The following BCKDHB variants were observed in gnomAD, a reference collection of about 807,000 sequenced individuals.
BCKDHB encodes the protein 2-oxoisovalerate dehydrogenase subunit beta, mitochondrial.
A neutral mutation model predicts 48.5 loss-of-function variants in BCKDHB; 41 were observed. The ratio of observed to expected loss-of-function variants is 0.85; its 90% CI spans 0.66 to 1.10. BCKDHB has a LOEUF of 1.10. BCKDHB is among the 50% of genes least tolerant of loss of function. BCKDHB has a pLI of 0.00. For missense variants in BCKDHB, 496 were observed against 494.2 expected, an observed-to-expected ratio of 1.00 and a Z score of -0.03; for synonymous variants, 201 against 174.8, an observed-to-expected ratio of 1.15 and a Z score of -1.18.
the BCKDHB span, among the ~76,000 whole-genome samples, chr6:80,428,650 T>A: frequency 6.6e-6 from 1 of 152,226 alleles, no homozygotes; most frequent in South Asian, 2.1e-4. Context: ...TCATGTTTGT[T>A]GGCTGCATAA....
intron 8 of BCKDHB, among the ~76,000 whole-genome samples, chr6:80,233,955 G>A (rs1336826124): frequency 6.6e-6 from 1 of 152,178 alleles, no homozygotes; most frequent in Non-Finnish European, 1.5e-5. Flanking sequence ...ACAGACTGGA[G>A]GGGTGGGAAA....
At chr6:80,272,771 A>G (rs1192281759) in intron 8 of BCKDHB, among the ~76,000 whole-genome samples, 4 of 152,194 alleles carry the variant, frequency 2.6e-5, no homozygotes. Context: ...AATAAAAAAA[A>G]CTTTCGCTCT....
At chr6:80,148,957 A>G (rs1771622754) in intron 3 of BCKDHB, among the ~76,000 whole-genome samples, 1 of 152,242 alleles carries the variant, frequency 6.6e-6, no homozygotes, top group Non-Finnish European at 1.5e-5. Context: ...ACAAAAAACC[A>G]AAATTGACAA....
At chr6:80,118,091 C>T (rs1201501457) in intron 1 of BCKDHB, among the ~76,000 whole-genome samples, 1 of 152,128 alleles carries the variant, frequency 6.6e-6, no homozygotes, top group African/African-American at 2.4e-5. Flanking sequence ...TTACCCAAGA[C>T]TATTATCTTC....
At chr6:80,450,519 GT>G in the BCKDHB span, among the ~76,000 whole-genome samples, 1 of 152,152 alleles carries the variant, frequency 6.6e-6, no homozygotes, top group Non-Finnish European at 1.5e-5. Context: ...AAGGGCAAGA[GT>G]TTTGGTATAT....
intron 8 of BCKDHB, among the ~76,000 whole-genome samples, chr6:80,233,514 A>G (rs1006563309): frequency 6.6e-6 from 1 of 152,108 alleles, no homozygotes; most frequent in Non-Finnish European, 1.5e-5. Context: ...TTCTCTCTGG[A>G]TCGATAGTTT....
At chr6:80,363,395 G>GT in the BCKDHB span, among the ~76,000 whole-genome samples, 2 of 152,102 alleles carry the variant, frequency 1.3e-5, no homozygotes, top group African/African-American at 4.8e-5. Flanking sequence ...ACAAGAAACT[G>GT]TTTTTTCAAG....
At chr6:80,407,288 A>G in the BCKDHB span, among the ~76,000 whole-genome samples, 1 of 152,104 alleles carries the variant, frequency 6.6e-6, no homozygotes, top group Admixed American at 6.6e-5. Flanking sequence ...GTCAGGTAGC[A>G]TGATACCTCC....
rs141306700 is a variant in BCKDHB, at chr6:80,182,116, C to T, written c.742+10726C>T. Among the ~76,000 whole-genome samples, 265 of 152,192 alleles carry T rather than the reference C, an allele frequency of 1.7e-3. 1 individual carries two copies. Among genetic ancestry groups the T allele is most frequent in the African/African-American group, 6.0e-3 (251 of 41,514 alleles). ...TAGATTTCTATTTTGTTCTTAAAAT[C>T]GCATGGTAGCATTTCTTGTAAATCT... On this transcript the variant is annotated intron_variant, in intron 6 of 9. Coordinates refer to ENST00000320393, the MANE Select transcript of BCKDHB (RefSeq NM_183050.4).
the BCKDHB span, among the ~76,000 whole-genome samples, chr6:80,451,031 T>C: frequency 6.6e-6 from 1 of 152,198 alleles, no homozygotes; most frequent in Admixed American, 6.5e-5. Context: ...AAAACCTGGT[T>C]ATTTTTTAGA....
intron 8 of BCKDHB, among the ~76,000 whole-genome samples, chr6:80,261,510 T>C (rs1367221308): frequency 6.6e-6 from 1 of 152,006 alleles, no homozygotes; most frequent in African/African-American, 2.4e-5. Flanking sequence ...ACTCATTCAC[T>C]CAGCAAATAG....
At chr6:80,279,425 G>A (rs1267136973) in intron 9 of BCKDHB, among the ~76,000 whole-genome samples, 1 of 151,964 alleles carries the variant, frequency 6.6e-6, no homozygotes, top group African/African-American at 2.4e-5. Flanking sequence ...CAAAGTGCTG[G>A]GATTACAGGC....
At chr6:80,280,826 G>T (rs1410486418) in intron 9 of BCKDHB, among the ~76,000 whole-genome samples, 2 of 152,132 alleles carry the variant, frequency 1.3e-5, no homozygotes, top group African/African-American at 4.8e-5. Flanking sequence ...GTTAGAGAAA[G>T]GTGAATTTTT....
intron 8 of BCKDHB, among the ~76,000 whole-genome samples, chr6:80,259,629 T>C (rs1002532659): frequency 2.0e-4 from 31 of 152,356 alleles, no homozygotes; most frequent in African/African-American, 6.7e-4. Context: ...TTAAGTTATT[T>C]GGGTCTCCAG....
At chr6:80,213,171 A>G (rs1015258098) in intron 8 of BCKDHB, among the ~76,000 whole-genome samples, 3 of 152,176 alleles carry the variant, frequency 2.0e-5, no homozygotes, top group Admixed American at 2.0e-4. Context: ...AAAAAAGTTT[A>G]AAAAGTAACT....
chr6:80,249,106 C>A (rs564513958), intron 8 of BCKDHB, among the ~76,000 whole-genome samples: 8 of 151,898 alleles, frequency 5.3e-5, no homozygotes, highest in Admixed American at 2.6e-4. Flanking sequence ...TGGGGCTGTT[C>A]TGTGCATTGT....
intron 7 of BCKDHB, among the ~76,000 whole-genome samples, chr6:80,201,608 C>G (rs1774398074): frequency 6.6e-6 from 1 of 152,152 alleles, no homozygotes; most frequent in South Asian, 2.1e-4. Flanking sequence ...CCTGCCATCT[C>G]TCATCATTAC....
At chr6:80,444,163 G>A in the BCKDHB span, among the ~76,000 whole-genome samples, 1 of 152,018 alleles carries the variant, frequency 6.6e-6, no homozygotes. Context: ...ATGATTTCAG[G>A]AAGGTTAAGT....
At chr6:80,300,686 A>G (rs1443973461) in intron 9 of BCKDHB, among the ~76,000 whole-genome samples, 2 of 152,176 alleles carry the variant, frequency 1.3e-5, no homozygotes, top group African/African-American at 4.8e-5. Flanking sequence ...ACTCCATCCA[A>G]CTACTGCAGA....
Sources: gnomAD v4.1 joint callset for allele counts (sites outside exome capture counted in the v4.1 genomes callset) on GRCh38, gnomAD v4.1.1 for gene constraint, MANE v1.5 for transcripts, NCBI Gene and HGNC (gene_info 2026-07-23, HGNC 2026-07-21) for gene names.